Variants in ANO4 observed in about 807,000 individuals in gnomAD.
ANO4 encodes anoctamin-4.
Under a neutral mutation model 141.9 loss-of-function variants are expected in ANO4, and 69 were observed. The ratio of observed to expected loss-of-function variants is 0.49; its 90% CI spans 0.40 to 0.59. ANO4 has a LOEUF of 0.59. Ranked by LOEUF, ANO4 falls within the 20% of genes least tolerant of loss-of-function variation. The probability of loss-of-function intolerance (pLI) is 0.00; values close to 1 mark genes in which losing one functional copy is unlikely to be tolerated. For synonymous variants in ANO4, 350 were observed against 394.3 expected (o/e 0.89, Z 1.33); for missense variants, 894 against 1,162.2 (o/e 0.77, Z 3.36).
chr12:100,886,514 C>G (rs904298298), intron 1 of ANO4, among the ~76,000 whole-genome samples: 1 of 152,122 alleles, frequency 6.6e-6, no homozygotes, highest in African/African-American at 2.4e-5. Flanking sequence ...CTCTTCTCCT[C>G]CATCTCTGCC....
At chr12:100,964,517 T>G (rs2043566943) in intron 5 of ANO4, among the ~76,000 whole-genome samples, 1 of 152,120 alleles carries the variant, frequency 6.6e-6, no homozygotes, top group Non-Finnish European at 1.5e-5. Context: ...GAAATTAATA[T>G]CTCCTCCTAG....
At chr12:100,720,758 G>A (rs1011621291) in intron 1 of ANO4, among the ~76,000 whole-genome samples, 2 of 152,198 alleles carry the variant, frequency 1.3e-5, no homozygotes, top group African/African-American at 4.8e-5. Context: ...GAGCAAGAAA[G>A]TTTTCAGAGT....
intron 1 of ANO4, among the ~76,000 whole-genome samples, chr12:100,854,948 G>A (rs1237462735): frequency 6.6e-6 from 1 of 152,068 alleles, no homozygotes; most frequent in Non-Finnish European, 1.5e-5. Context: ...CTGTGGCTTC[G>A]TGTAGGGAGA....
intron 8 of ANO4, among the ~76,000 whole-genome samples, chr12:101,009,400 G>T (rs1187822105): frequency 1.3e-5 from 2 of 152,044 alleles, no homozygotes; most frequent in Non-Finnish European, 2.9e-5. Flanking sequence ...GCCACTCAGG[G>T]TATGGTACTT....
At chr12:101,053,088 C>A (rs1246013121) in intron 14 of ANO4, among the ~76,000 whole-genome samples, 1 of 152,160 alleles carries the variant, frequency 6.6e-6, no homozygotes, top group Non-Finnish European at 1.5e-5. Flanking sequence ...TCTCTGCTTT[C>A]AAAAATCTCA....
chr12:100,731,815 A>T (rs543457152), intron 1 of ANO4, among the ~76,000 whole-genome samples: 10 of 152,276 alleles, frequency 6.6e-5, no homozygotes, highest in Non-Finnish European at 1.2e-4. Context: ...ATGTCTTTTC[A>T]TGACCTGATA....
intron 2 of ANO4, among the ~76,000 whole-genome samples, chr12:100,737,598 C>T (rs993033028): frequency 1.3e-5 from 2 of 152,110 alleles, no homozygotes; most frequent in African/African-American, 4.8e-5. Context: ...CAAATGAAGT[C>T]GTGGCTCTGT....
chr12:101,084,424 A>G (rs143810296), intron 16 of ANO4, among the ~76,000 whole-genome samples: 2 of 152,332 alleles, frequency 1.3e-5, no homozygotes, highest in Non-Finnish European at 2.9e-5. Flanking sequence ...TTAGTAATTA[A>G]CTTTAACACT....
At chr12:101,023,973 A>G (rs1332532246) in intron 9 of ANO4, among the ~76,000 whole-genome samples, 4 of 152,250 alleles carry the variant, frequency 2.6e-5, no homozygotes, top group Non-Finnish European at 5.9e-5. Flanking sequence ...CATCGATTAG[A>G]AATAACATGA....
chr12:100,984,121 G>T (rs997504791), intron 7 of ANO4, among the ~76,000 whole-genome samples: 1 of 152,074 alleles, frequency 6.6e-6, no homozygotes. Context: ...TTATGACACG[G>T]AGTCTTACTC....
At chr12:100,865,259 GTGT>G (rs1244465616) in intron 1 of ANO4, among the ~76,000 whole-genome samples, 35 of 152,088 alleles carry the variant, frequency 2.3e-4, no homozygotes, top group South Asian at 1.9e-3. Context: ...CAGTGTAAAA[GTGT>G]CTATATTTCT....
intron 1 of ANO4, among the ~76,000 whole-genome samples, chr12:100,814,690 T>C (rs1346017182): frequency 1.3e-5 from 2 of 152,114 alleles, no homozygotes; most frequent in Non-Finnish European, 2.9e-5. Context: ...ATTTAGAACA[T>C]ACAAAACATT....
At chr12:100,816,111 G>A (rs886376028) in intron 1 of ANO4, among the ~76,000 whole-genome samples, 32 of 151,954 alleles carry the variant, frequency 2.1e-4, no homozygotes, top group African/African-American at 7.7e-4. Context: ...TATAACTATC[G>A]TAGTACTGAA....
At chr12:100,761,009 A>C (rs2032835599) in intron 3 of ANO4, among the ~76,000 whole-genome samples, 1 of 151,830 alleles carries the variant, frequency 6.6e-6, no homozygotes, top group Admixed American at 6.6e-5. Context: ...TCTCTGGGAG[A>C]GTTCTTTCTC....
At chr12:101,114,405 T>C (rs887966649) in intron 24 of ANO4, among the ~76,000 whole-genome samples, 4 of 152,232 alleles carry the variant, frequency 2.6e-5, no homozygotes, top group Non-Finnish European at 5.9e-5. Flanking sequence ...TGTGTGTTCC[T>C]GTACTAGGTA....
chr12:101,044,939 C>G (rs781454833), intron 13 of ANO4, among the ~76,000 whole-genome samples: 19 of 151,966 alleles, frequency 1.3e-4, no homozygotes, highest in Non-Finnish European at 2.2e-4. Context: ...CAGATATAAG[C>G]CTGAATGACT....
chr12:100,840,816 A>G (rs2037200903), intron 1 of ANO4, among the ~76,000 whole-genome samples: 1 of 152,160 alleles, frequency 6.6e-6, no homozygotes, highest in South Asian at 2.1e-4. Context: ...CTTACCTGTG[A>G]ATTGGCCAAA....
At chr12:101,026,818 G>T (rs1224926560) in intron 9 of ANO4, among the ~76,000 whole-genome samples, 1 of 152,022 alleles carries the variant, frequency 6.6e-6, no homozygotes, top group Non-Finnish European at 1.5e-5. Context: ...GTTACCTTGG[G>T]TTAACCAAGG....
chr12:100,807,941 A>G (rs540014766), intron 1 of ANO4, among the ~76,000 whole-genome samples: 1 of 152,320 alleles, frequency 6.6e-6, no homozygotes, highest in East Asian at 1.9e-4. Context: ...TATATGTACC[A>G]CATCTTCTTT....
Sources: allele counts gnomAD v4.1 joint callset (sites outside exome capture counted in the v4.1 genomes callset), GRCh38; gene constraint gnomAD v4.1.1; transcripts MANE v1.5; gene names NCBI Gene and HGNC (gene_info 2026-07-23, HGNC 2026-07-21).